DYRK1A: variants seen among roughly 807,000 people sequenced by gnomAD.
DYRK1A encodes the protein dual specificity tyrosine-phosphorylation-regulated kinase 1A.
A neutral mutation model predicts 79.7 loss-of-function variants in DYRK1A; 9 were observed. The observed-to-expected ratio is 0.11, with a 90% CI of 0.07 to 0.20. DYRK1A has a LOEUF of 0.20. Among genes scored for constraint, DYRK1A ranks in the 10% least tolerant of loss-of-function variants. DYRK1A has a pLI of 1.00. For missense variants in DYRK1A, 622 were observed against 956.0 expected, an observed-to-expected ratio of 0.65 and a Z score of 4.61; for synonymous variants, 349 against 329.7, an observed-to-expected ratio of 1.06 and a Z score of -0.63.
intron 1 of DYRK1A, among the ~76,000 whole-genome samples, chr21:37,411,768 G>T (rs542943924): frequency 6.6e-6 from 1 of 152,244 alleles, no homozygotes; most frequent in African/African-American, 2.4e-5. Flanking sequence ...AGATAAGAAT[G>T]ACAATTCCCT....
chr21:37,383,821 T>C lies in DYRK1A; in HGVS notation c.-77+16193T>C, dbSNP rs989015195. Among the ~76,000 whole-genome samples, 32 of 141,658 alleles carry C rather than the reference T, an allele frequency of 2.3e-4. 1 individual carries two copies. Among genetic ancestry groups the C allele is most frequent in the Non-Finnish European group, 1.5e-5 (1 of 66,390 alleles). 92.9% of individuals were successfully genotyped at this position (141,658 alleles called of 152,430 possible). A position where few individuals can be genotyped will look rare whatever the true frequency, so the allele number is the denominator to read the frequency against. Reference sequence around the variant, plus strand: ...TGAAAAAAATAAAGATGGGGTGATGTGATAGGTAATGGTGTATGTGTGTGT... The same window carrying C: ...TGAAAAAAATAAAGATGGGGTGATGCGATAGGTAATGGTGTATGTGTGTGT... On this transcript the variant is annotated intron_variant, in intron 1 of 11. Coordinates refer to ENST00000647188, the MANE Select transcript of DYRK1A (RefSeq NM_001347721.2).
intron 2 of DYRK1A, among the ~76,000 whole-genome samples, chr21:37,432,180 A>G (rs1368292311): frequency 6.6e-6 from 1 of 152,176 alleles, no homozygotes; most frequent in Non-Finnish European, 1.5e-5. Flanking sequence ...ATAAGGTTCT[A>G]GGAGCCTTTT....
At position 37,520,488 on chromosome 21, in the gene DYRK1A, G is replaced by A. The variant is rs772356194; in HGVS notation, c.*7957G>A. 3.3e-5 allele frequency: 5 copies of A among 152,158 alleles called. No individual in the cohort carries two copies. Among genetic ancestry groups the A allele is most frequent in the Admixed American group, 6.5e-5 (1 of 15,278 alleles). The allele number at this position is 152,158 out of a possible 1,614,324, so 9.4% of individuals were successfully genotyped here. A position where few individuals can be genotyped will look rare whatever the true frequency, so the allele number is the denominator to read the frequency against. On this transcript the variant is annotated 3_prime_UTR_variant, in exon 12 of 12. Coordinates refer to ENST00000647188, the MANE Select transcript of DYRK1A (RefSeq NM_001347721.2). ...ACTACATCGAGCCTGGGTTCTCTCAGTATTAGCCTGTTATTCCTAAAGTAT... is the reference window on the plus strand; with the variant it reads ...ACTACATCGAGCCTGGGTTCTCTCAATATTAGCCTGTTATTCCTAAAGTAT...
chr21:37,392,680 G>C (rs1023591421), intron 1 of DYRK1A, among the ~76,000 whole-genome samples: 1 of 152,206 alleles, frequency 6.6e-6, no homozygotes, highest in Non-Finnish European at 1.5e-5. Context: ...TCTTAATACT[G>C]TTAGGGCCTA....
intron 2 of DYRK1A, among the ~76,000 whole-genome samples, chr21:37,454,085 CTTTTTTTTTT>C (rs571859735): frequency 1.3e-4 from 8 of 59,616 alleles, no homozygotes; most frequent in Non-Finnish European, 2.3e-4. Context: ...ATGTAGTCTC[CTTTTTTTTTT>C]TTTTTTTTTT....
intron 1 of DYRK1A, among the ~76,000 whole-genome samples, chr21:37,387,824 G>A (rs1179166287): frequency 1.3e-5 from 2 of 152,212 alleles, no homozygotes; most frequent in Non-Finnish European, 2.9e-5. Flanking sequence ...TAGAAATGGA[G>A]TTGGAATGTA....
At chr21:37,386,178 C>T (rs1170251469) in intron 1 of DYRK1A, among the ~76,000 whole-genome samples, 2 of 151,824 alleles carry the variant, frequency 1.3e-5, no homozygotes, top group Non-Finnish European at 2.9e-5. Context: ...TTCTGTATTC[C>T]TTCTATATTA....
upstream of DYRK1A, chr21:37,366,281 G>A (rs1370051459): frequency 2.1e-5 from 3 of 145,246 alleles, no homozygotes; most frequent in Non-Finnish European, 4.6e-5. Context: ...CCCGCCCGGG[G>A]CAGCCCGCCC....
At chr21:37,414,031 AATG>A (rs1304003279) in intron 1 of DYRK1A, among the ~76,000 whole-genome samples, 4 of 152,138 alleles carry the variant, frequency 2.6e-5, no homozygotes, top group Admixed American at 1.3e-4. Flanking sequence ...CACCTGGTAA[AATG>A]ATGATGCAAA....
chr21:37,470,768 C>G (rs890366108), intron 2 of DYRK1A, among the ~76,000 whole-genome samples: 4 of 152,184 alleles, frequency 2.6e-5, no homozygotes, highest in African/African-American at 7.2e-5. Flanking sequence ...GATAAACATG[C>G]TTGGCATCTT....
chr21:37,405,876 A>G (rs2050137886), intron 1 of DYRK1A, among the ~76,000 whole-genome samples: 1 of 152,174 alleles, frequency 6.6e-6, no homozygotes, highest in Non-Finnish European at 1.5e-5. Context: ...ATCCAGTGTC[A>G]TGGCATCATG....
intron 2 of DYRK1A, among the ~76,000 whole-genome samples, chr21:37,426,016 T>G (rs1676183766): frequency 6.6e-6 from 1 of 151,942 alleles, no homozygotes. Flanking sequence ...GGGGTTAGAG[T>G]CATGTGGTCC....
At chr21:37,421,312 T>C in intron 2 of DYRK1A, among the ~76,000 whole-genome samples, 1 of 152,174 alleles carries the variant, frequency 6.6e-6, no homozygotes, top group Non-Finnish European at 1.5e-5. Context: ...GATTGGTTTT[T>C]ATTTTTGGCG....
intron 1 of DYRK1A, among the ~76,000 whole-genome samples, chr21:37,396,520 G>T (rs2049962180): frequency 7.3e-6 from 1 of 136,468 alleles, no homozygotes; most frequent in Non-Finnish European, 1.6e-5. Flanking sequence ...TTAATCCAAA[G>T]TTTTTTTGTT....
Position 37,440,106 on chromosome 21 carries a change from C to T in DYRK1A, c.10+19722C>T, listed in dbSNP as rs530347913. 4.4e-4 allele frequency among the ~76,000 whole-genome samples: 52 copies of T among 118,210 alleles called. 1 individual carries two copies. Among genetic ancestry groups the T allele is most frequent in the East Asian group, 1.0e-3 (4 of 3,920 alleles). 77.6% of individuals were successfully genotyped at this position (118,210 alleles called of 152,430 possible). ...CTCTGGATCCTTATTTTTGTTATTC[C>T]GTTGACTTTGATTTTGTTTGCTCCT... On this transcript the variant is annotated intron_variant, in intron 2 of 11. Coordinates refer to ENST00000647188, the MANE Select transcript of DYRK1A (RefSeq NM_001347721.2).
At position 37,472,813 on chromosome 21, in the gene DYRK1A, A is replaced by G. The variant is rs1049760; in HGVS notation, c.140A>G (p.Asn47Ser). Residue 47 changes from asparagine to serine, a missense_variant, in exon 3 of 12, where the codon AAC becomes AGC. This residue lies in a region of DYRK1A where 91 missense variants were observed against 113.8 expected (regional missense o/e 0.80). Transcript: ENST00000647188. ...SHQYSDRRQP[N>S]ISDQQVSALS... is the part of the protein sequence containing the mutation. ...CAGTACAGTGACCGTCGCCAGCCAA[A>G]CATAAGTGACCAACAGGTTTCTGCC... 2 of 1,609,904 alleles carry G rather than the reference A, an allele frequency of 1.2e-6. No individual in the cohort carries two copies. Among genetic ancestry groups the G allele is most frequent in the Non-Finnish European group, 1.7e-6 (2 of 1,177,022 alleles).
chr21:37,436,068 A>G (rs1352925760), intron 2 of DYRK1A, among the ~76,000 whole-genome samples: 1 of 152,196 alleles, frequency 6.6e-6, no homozygotes. Context: ...AAAATTCAAG[A>G]TGACCATATG....
intron 6 of DYRK1A, chr21:37,487,512 A>G (rs1395729087): frequency 6.6e-6 from 1 of 152,214 alleles, no homozygotes. Flanking sequence ...TTAAGTATTC[A>G]TATAAGATGC....
At chr21:37,391,652 A>C (rs1325614352) in intron 1 of DYRK1A, among the ~76,000 whole-genome samples, 2 of 152,200 alleles carry the variant, frequency 1.3e-5, no homozygotes, top group African/African-American at 4.8e-5. Context: ...ACAGCCTATA[A>C]TCTTCCACGA....
Sources: gnomAD v4.1 joint callset for allele counts (sites outside exome capture counted in the v4.1 genomes callset) on GRCh38, gnomAD v4.1.1 for gene constraint, gnomAD v4.1.1 regional missense constraint, MANE v1.5 for transcripts, NCBI Gene and HGNC (gene_info 2026-07-23, HGNC 2026-07-21) for gene names.